The following PCNP variants were observed in gnomAD, a reference collection of about 807,000 sequenced individuals.
PCNP encodes the protein PEST proteolytic signal-containing nuclear protein.
Under a neutral mutation model 21.8 loss-of-function variants are expected in PCNP, and 6 were observed. That is an observed-to-expected ratio of 0.28 (90% CI 0.15 to 0.54). PCNP has a LOEUF of 0.54. Among genes scored for constraint, PCNP ranks in the 20% least tolerant of loss-of-function variants. PCNP has a pLI of 0.95. For synonymous variants in PCNP, 67 were observed against 73.2 expected, an observed-to-expected ratio of 0.92 and a Z score of 0.43; for missense variants, 161 against 215.5, an observed-to-expected ratio of 0.75 and a Z score of 1.58.
At chr3:101,574,878 G>C (rs1038315934) in intron 1 of PCNP, 1 of 152,566 alleles carries the variant, frequency 6.6e-6, no homozygotes, top group African/African-American at 2.4e-5. Context: ...GTGATGGAGG[G>C]GAAGAGGAAT....
At chr3:101,584,674 C>T (rs1467162368) in intron 2 of PCNP, among the ~76,000 whole-genome samples, 1 of 152,158 alleles carries the variant, frequency 6.6e-6, no homozygotes, top group East Asian at 1.9e-4. Flanking sequence ...AAGCGATTCT[C>T]CTGCCTCAGC....
intron 2 of PCNP, among the ~76,000 whole-genome samples, chr3:101,580,415 A>G (rs1450332561): frequency 3.3e-5 from 5 of 152,084 alleles, no homozygotes; most frequent in Admixed American, 6.6e-5. Context: ...AAATAAAAAT[A>G]TAATTAAAAA....
intron 2 of PCNP, among the ~76,000 whole-genome samples, chr3:101,582,731 C>T (rs1177308814): frequency 2.6e-5 from 4 of 152,160 alleles, no homozygotes; most frequent in African/African-American, 9.7e-5. Flanking sequence ...AATTTTGTTT[C>T]AGTAGATCAG....
intron 3 of PCNP, chr3:101,589,932 C>T (rs6777292): frequency 0.83 from 291,393 of 352,616 alleles, 122,348 homozygotes; most frequent in Non-Finnish European, 0.88. Context: ...ATAGGACATA[C>T]ACAAACAACA....
At chr3:101,584,759 T>C (rs923423078) in intron 2 of PCNP, among the ~76,000 whole-genome samples, 2 of 152,030 alleles carry the variant, frequency 1.3e-5, no homozygotes, top group Admixed American at 1.3e-4. Context: ...AGAGAGCACC[T>C]TGGGAGGCTG....
chr3:101,585,629 TG>T, intron 3 of PCNP, 118 bp downstream of exon 3: 1 of 602,688 alleles, frequency 1.7e-6, no homozygotes, highest in Non-Finnish European at 2.9e-6. Flanking sequence ...TTTTTGTGTC[TG>T]TGTGTGACAT....
chr3:101,588,790 T>G (rs928352854), intron 3 of PCNP, among the ~76,000 whole-genome samples: 1 of 152,224 alleles, frequency 6.6e-6, no homozygotes, highest in African/African-American at 2.4e-5. Flanking sequence ...TTTCTTACTT[T>G]TGGCACAAAT....
rs559448909 is a variant in PCNP at position 101,589,848 on chromosome 3, T to C, written c.355-367T>C. The C allele has an allele frequency of 2.4e-5, 5 of 204,958 alleles. No individual in the cohort carries two copies. The South Asian group carries it at 4.3e-4, about 18-fold the overall frequency. The allele number at this position is 204,958 out of a possible 1,614,324, so 12.7% of individuals were successfully genotyped here. A position where few individuals can be genotyped will look rare whatever the true frequency, so the allele number is the denominator to read the frequency against. ...TTTGTTTCCTTGAGCAAGTTAACTT[T>C]GTTACCTCACCTGCAAAATATGAAT... On this transcript the variant is annotated intron_variant, in intron 3 of 4. Transcript: ENST00000265260.
In PCNP at chr3:101,593,629, C is replaced by T. The variant is rs886310441; in HGVS notation, c.*876C>T. The T allele has an allele frequency of 5.3e-5, 8 of 151,472 alleles. No homozygotes were observed. The highest frequency in any genetic ancestry group is 1.9e-4 in the African/African-American group (8 of 41,134). 9.4% of individuals were successfully genotyped at this position (151,472 alleles called of 1,614,324 possible). A position where few individuals can be genotyped will look rare whatever the true frequency, so the allele number is the denominator to read the frequency against. ...TTTTATTTTTTAAAAGGTATAAACA[C>T]CAAAAAAAAAATTAACATTGTATGA... On this transcript the variant is annotated 3_prime_UTR_variant, in exon 5 of 5. Coordinates refer to ENST00000265260, the MANE Select transcript of PCNP (RefSeq NM_020357.3).
At chr3:101,583,088 G>A (rs547185719) in intron 2 of PCNP, among the ~76,000 whole-genome samples, 184 of 152,332 alleles carry the variant, frequency 1.2e-3, no homozygotes, top group South Asian at 2.5e-3. Context: ...AGCACTTTGG[G>A]AGGCTGAGGC....
At chr3:101,578,913 C>T (rs1935074705) in intron 1 of PCNP, among the ~76,000 whole-genome samples, 1 of 152,252 alleles carries the variant, frequency 6.6e-6, no homozygotes, top group East Asian at 1.9e-4. Context: ...CATCAGCCAG[C>T]CTTCTTCTGT....
rs1576608944 is a variant in PCNP at position 101,579,941 on chromosome 3, A to T, written c.216A>T (p.Gly72=). Residue 72 remains glycine (G), a synonymous_variant, in exon 2 of 5, where the codon GGA becomes GGT. Transcript: ENST00000265260. ...AGCCTACAAAGATCTCCAAGTTTGGATTTGCCATAGGTAGTCAGACGACAA... is the reference window on the plus strand; with the variant it reads ...AGCCTACAAAGATCTCCAAGTTTGGTTTTGCCATAGGTAGTCAGACGACAA... ...PTKPTKISKF[G]FAIGSQTTKK... 1 of 1,614,078 alleles carries T rather than the reference A, an allele frequency of 6.2e-7. No individual in the cohort carries two copies. The highest frequency in any genetic ancestry group is 8.5e-7 in the Non-Finnish European group (1 of 1,179,924).
chr3:101,591,672 A>G (rs1400091329), intron 4 of PCNP, among the ~76,000 whole-genome samples: 1 of 151,728 alleles, frequency 6.6e-6, no homozygotes, highest in East Asian at 1.9e-4. Flanking sequence ...TTCATTTTTT[A>G]CAAATGCTGG....
At chr3:101,584,197 G>T (rs1330353981) in intron 2 of PCNP, among the ~76,000 whole-genome samples, 1 of 152,172 alleles carries the variant, frequency 6.6e-6, no homozygotes, top group African/African-American at 2.4e-5. Context: ...GCAGATGATA[G>T]CCCATTTAGG....
At chr3:101,577,999 C>T (rs940517526) in intron 1 of PCNP, among the ~76,000 whole-genome samples, 4 of 151,946 alleles carry the variant, frequency 2.6e-5, no homozygotes, top group Admixed American at 1.3e-4. Flanking sequence ...TTAAAATATT[C>T]CTTAGTAAAG....
At chr3:101,576,945 C>G in intron 1 of PCNP, 1 of 1,462,884 alleles carries the variant, frequency 6.8e-7, no homozygotes, top group South Asian at 1.1e-5. Flanking sequence ...TCACTAGCGA[C>G]ATGGCGGCAG....
intron 2 of PCNP, among the ~76,000 whole-genome samples, chr3:101,581,889 C>T (rs958260328): frequency 6.6e-6 from 1 of 151,648 alleles, no homozygotes; most frequent in African/African-American, 2.4e-5. Flanking sequence ...TACAGGCATG[C>T]ACCACCACGC....
chr3:101,576,963 G>T, intron 1 of PCNP: 2 of 1,265,390 alleles, frequency 1.6e-6, no homozygotes, highest in Non-Finnish European at 2.3e-6. Context: ...CAGCACAAGC[G>T]GCGGCGTGTA....
chr3:101,584,461 G>A (rs1185260675), intron 2 of PCNP, among the ~76,000 whole-genome samples: 1 of 152,178 alleles, frequency 6.6e-6, no homozygotes, highest in Admixed American at 6.5e-5. Flanking sequence ...CTTCTAAATG[G>A]GGAGTAGCAG....
Sources: gnomAD v4.1 joint callset for allele counts (sites outside exome capture counted in the v4.1 genomes callset) on GRCh38, gnomAD v4.1.1 for gene constraint, MANE v1.5 for transcripts, NCBI Gene and HGNC (gene_info 2026-07-23, HGNC 2026-07-21) for gene names.